Variants in SPHKAP observed in about 807,000 individuals in gnomAD.
SPHKAP encodes A-kinase anchor protein SPHKAP.
SPHKAP carries 67 observed loss-of-function variants against 137.5 expected under a neutral mutation model. The observed-to-expected ratio is 0.49, with a 90% CI of 0.40 to 0.60. SPHKAP has a LOEUF of 0.60. Among genes scored for constraint, SPHKAP ranks in the 20% least tolerant of loss-of-function variants. SPHKAP has a pLI of 0.00. For missense variants in SPHKAP, 2,097 were observed against 2,069.3 expected (o/e 1.01, Z -0.26); for synonymous variants, 813 against 785.3 (o/e 1.04, Z -0.59).
chr2:228,112,506 G>A (rs756743971), intron 2 of SPHKAP, among the ~76,000 whole-genome samples: 1 of 152,184 alleles, frequency 6.6e-6, no homozygotes, highest in African/African-American at 2.4e-5. Flanking sequence ...GAAGGTGACA[G>A]AGTTCGAAAC....
At chr2:228,082,468 C>T (rs1385298563) in intron 3 of SPHKAP, among the ~76,000 whole-genome samples, 1 of 145,938 alleles carries the variant, frequency 6.9e-6, no homozygotes, top group Non-Finnish European at 1.5e-5. Context: ...TTGTTATTAA[C>T]AGGTGATAAG....
intron 1 of SPHKAP, among the ~76,000 whole-genome samples, chr2:228,177,200 T>C (rs983010574): frequency 6.6e-6 from 1 of 152,110 alleles, no homozygotes; most frequent in East Asian, 1.9e-4. Context: ...TAAGCCTTTT[T>C]TTTTTTTTCT....
intron 3 of SPHKAP, among the ~76,000 whole-genome samples, chr2:228,080,462 T>A (rs984563235): frequency 6.6e-6 from 1 of 152,158 alleles, no homozygotes; most frequent in African/African-American, 2.4e-5. Context: ...GTCCCAGCAC[T>A]TTGGGAGGCC....
chr2:228,062,682 C>T (rs1250411212), intron 3 of SPHKAP, among the ~76,000 whole-genome samples: 2 of 151,392 alleles, frequency 1.3e-5, no homozygotes, highest in Admixed American at 6.6e-5. Context: ...GAAAGTAAGT[C>T]CTGGATCCAC....
Position 228,092,244 on chromosome 2 carries a change from C to T in SPHKAP, c.246+16588G>A, listed in dbSNP as rs190316428. On this transcript the variant is annotated intron_variant, in intron 3 of 11. Coordinates refer to ENST00000392056, the MANE Select transcript of SPHKAP (RefSeq NM_001142644.2). Reference sequence around the variant, plus strand: ...ACATATATACACACATGTATACACACGTGTATATGTGTGTATACGTACACA... The same window carrying T: ...ACATATATACACACATGTATACACATGTGTATATGTGTGTATACGTACACA... 1.8e-4 allele frequency among the ~76,000 whole-genome samples: 26 copies of T among 145,256 alleles called. 1 individual carries two copies. In the East Asian group the frequency reaches 4.3e-3, roughly 24 times the overall value.
intron 3 of SPHKAP, among the ~76,000 whole-genome samples, chr2:228,041,646 CAAAAAAAAAA>C (rs58570907): frequency 2.1e-5 from 2 of 95,942 alleles, no homozygotes; most frequent in African/African-American, 8.1e-5. Flanking sequence ...GACTCTGTCT[CAAAAAAAAAA>C]AAAAAAAAAG....
intron 7 of SPHKAP, among the ~76,000 whole-genome samples, chr2:228,012,163 C>CAAAAAA (rs544782857): frequency 5.9e-5 from 5 of 84,922 alleles, no homozygotes; most frequent in African/African-American, 1.5e-4. Flanking sequence ...GACTCTACCT[C>CAAAAAA]AAAAAAAAAA....
chr2:228,180,394 C>A (rs1168735888), intron 1 of SPHKAP, among the ~76,000 whole-genome samples: 1 of 151,996 alleles, frequency 6.6e-6, no homozygotes, highest in African/African-American at 2.4e-5. Flanking sequence ...CACCTCCCCT[C>A]CCACCGCATC....
intron 1 of SPHKAP, among the ~76,000 whole-genome samples, chr2:228,137,022 C>A (rs1699455682): frequency 6.6e-6 from 1 of 152,128 alleles, no homozygotes; most frequent in South Asian, 2.1e-4. Context: ...CTCCCACACA[C>A]CTCCAGTGCC....
rs1559169430 is a variant in SPHKAP, at chr2:228,092,502, GTATACATATATGTGCCATATATA to G, written c.246+16307_246+16329del. Among the ~76,000 whole-genome samples the G allele has an allele frequency of 8.8e-5, 5 of 56,998 alleles. 1 individual carries two copies. Among genetic ancestry groups the G allele is most frequent in the African/African-American group, 7.4e-5 (1 of 13,562 alleles). The allele number at this position is 56,998 out of a possible 152,430, so 37.4% of individuals were successfully genotyped here. On this transcript the variant is annotated intron_variant, in intron 3 of 11. Coordinates refer to ENST00000392056, the MANE Select transcript of SPHKAP (RefSeq NM_001142644.2). Reference sequence around the variant, plus strand: ...GTATACATATATGTGCCATATATATGTATACATATATGTGCCATATATATGTATACATATATGTGCCATATATA... The same window carrying G: ...GTATACATATATGTGCCATATATATGTGTATACATATATGTGCCATATATA...
chr2:228,153,823 G>A (rs575044034), intron 1 of SPHKAP, among the ~76,000 whole-genome samples: 2 of 152,194 alleles, frequency 1.3e-5, no homozygotes, highest in Admixed American at 1.3e-4. Flanking sequence ...ACATTTATCT[G>A]ACAGTGTTGG....
chr2:228,063,382 A>G (rs1295607799), intron 3 of SPHKAP, among the ~76,000 whole-genome samples: 3 of 152,128 alleles, frequency 2.0e-5, no homozygotes, highest in African/African-American at 7.2e-5. Flanking sequence ...GCATAAAGAG[A>G]GAGGGTGAAT....
intron 3 of SPHKAP, among the ~76,000 whole-genome samples, chr2:228,035,354 A>G (rs1300376479): frequency 2.0e-5 from 3 of 152,160 alleles, no homozygotes; most frequent in Admixed American, 6.5e-5. Flanking sequence ...AAGGAGAACT[A>G]CAAACCACTG....
intron 3 of SPHKAP, among the ~76,000 whole-genome samples, chr2:228,053,760 C>T (rs111344051): frequency 6.6e-6 from 1 of 152,008 alleles, no homozygotes; most frequent in Non-Finnish European, 1.5e-5. Context: ...TTGGCATTTC[C>T]CTCTGAAGTC....
At chr2:228,061,074 G>C (rs1251876475) in intron 3 of SPHKAP, among the ~76,000 whole-genome samples, 6 of 152,116 alleles carry the variant, frequency 3.9e-5, no homozygotes, top group Non-Finnish European at 8.8e-5. Context: ...GTGTGCTCCA[G>C]ATGTAATATG....
chr2:228,110,330 A>G (rs1698479319), intron 2 of SPHKAP, among the ~76,000 whole-genome samples: 1 of 151,968 alleles, frequency 6.6e-6, no homozygotes, highest in Non-Finnish European at 1.5e-5. Context: ...CATTTATAAT[A>G]ATATAAAATA....
intron 7 of SPHKAP, among the ~76,000 whole-genome samples, chr2:228,005,196 C>T (rs1308364830): frequency 1.3e-5 from 2 of 152,050 alleles, no homozygotes; most frequent in Admixed American, 1.3e-4. Flanking sequence ...TCTAAGACTG[C>T]CTGTAGGTCT....
chr2:228,108,910 TGA>T lies in SPHKAP; in HGVS notation c.166_167del (p.Ser56AsnfsTer22), dbSNP rs760214255. 1 of 1,608,872 alleles carries T rather than the reference TGA, an allele frequency of 6.2e-7. No individual in the cohort carries two copies. Among genetic ancestry groups the T allele is most frequent in the South Asian group, 1.1e-5 (1 of 90,248 alleles). Reference protein sequence around the residue: ...KVLRSNSLLESTDYWLQNQRM... With the variant: ...KVLRSNSLLEXTDYWLQNQRM... ...TCTGATTCTGCAACCAGTAGTCTGT[TGA>T]CTCCAGCAGGCTATTGCTGCGAAGA... On this transcript the variant is annotated frameshift_variant, in exon 3 of 12. Transcript: ENST00000392056. LOFTEE classifies it high-confidence loss of function.
In SPHKAP at chr2:228,020,112, G is replaced by GTT. The variant is rs1429448544; in HGVS notation, c.740_741dup (p.Gln248AsnfsTer3). 6.2e-7 allele frequency: 1 copy of GTT among 1,611,466 alleles called. No individual in the cohort carries two copies. On this transcript the variant is annotated frameshift_variant, in exon 7 of 12. Transcript: ENST00000392056. LOFTEE classifies it high-confidence loss of function. ...TCCACCTGGGTGGCTCCCTTTAGCT[G>GTT]TTTACTTTCCAAAACATTGGCTGAG... is the stretch of plus-strand genomic sequence containing the variant.
Sources: allele counts gnomAD v4.1 joint callset (sites outside exome capture counted in the v4.1 genomes callset), GRCh38; gene constraint gnomAD v4.1.1; transcripts MANE v1.5; gene names NCBI Gene and HGNC (gene_info 2026-07-23, HGNC 2026-07-21).